The following GALNT11 variants were observed in gnomAD, a reference collection of about 807,000 sequenced individuals.
GALNT11 encodes polypeptide N-acetylgalactosaminyltransferase 11.
GALNT11 carries 47 observed loss-of-function variants against 72.7 expected under a neutral mutation model. The ratio of observed to expected loss-of-function variants is 0.65; its 90% CI spans 0.51 to 0.82. The LOEUF is 0.82. Ranked by LOEUF, GALNT11 falls within the 40% of genes least tolerant of loss-of-function variation. The pLI, the probability that GALNT11 is intolerant of heterozygous loss-of-function variation, is 0.00. For synonymous variants in GALNT11, 270 were observed against 286.6 expected (o/e 0.94, Z 0.58); for missense variants, 677 against 778.4 (o/e 0.87, Z 1.55).
chr7:152,048,371 A>G (rs2083243177), intron 1 of GALNT11, among the ~76,000 whole-genome samples: 1 of 151,870 alleles, frequency 6.6e-6, no homozygotes, highest in Non-Finnish European at 1.5e-5. Flanking sequence ...AAATACATTG[A>G]AGCAGTCTTA....
intron 1 of GALNT11, among the ~76,000 whole-genome samples, chr7:152,049,822 GGCACCCAA>G (rs1269078293): frequency 4.6e-5 from 7 of 152,114 alleles, no homozygotes; most frequent in African/African-American, 1.7e-4. Flanking sequence ...CGGCTGAGCT[GGCACCCAA>G]GCCTTCCCAG....
At chr7:152,078,453 G>A (rs1587206634) in intron 1 of GALNT11, among the ~76,000 whole-genome samples, 4 of 152,164 alleles carry the variant, frequency 2.6e-5, no homozygotes, top group East Asian at 1.9e-4. Context: ...CACCCGCCTC[G>A]GCCTCCCAAA....
At chr7:152,081,713 A>C (rs569186851) in intron 1 of GALNT11, among the ~76,000 whole-genome samples, 3 of 152,072 alleles carry the variant, frequency 2.0e-5, no homozygotes, top group Admixed American at 6.5e-5. Flanking sequence ...TCCTCTTCTT[A>C]TGGGTATCAG....
intron 1 of GALNT11, among the ~76,000 whole-genome samples, chr7:152,028,286 C>T (rs534510466): frequency 1.3e-5 from 2 of 152,146 alleles, no homozygotes; most frequent in African/African-American, 4.8e-5. Context: ...GTGCTGATTG[C>T]TCTGTTTTAC....
At chr7:152,026,551 G>C (rs1372903411) in intron 1 of GALNT11, among the ~76,000 whole-genome samples, 3 of 152,228 alleles carry the variant, frequency 2.0e-5, no homozygotes, top group Non-Finnish European at 4.4e-5. Context: ...CAGAACTCAA[G>C]TCATCCTTCT....
intron 1 of GALNT11, among the ~76,000 whole-genome samples, chr7:152,056,385 C>T (rs1203983191): frequency 3.9e-5 from 6 of 152,158 alleles, no homozygotes. Flanking sequence ...CTAAAGTTCC[C>T]GCGGGTTGCC....
chr7:152,105,351 T>C lies in GALNT11; in HGVS notation c.693T>C (p.Ile231=), dbSNP rs1347410126. The part of the protein sequence containing the change: ...KREGLIRGRM[I]GAAHATGEVL... Reference sequence around the variant, plus strand: ...AGGGGTTGATTCGAGGGAGAATGATTGGCGCGGCCCACGCGACAGGTATCA... The same window carrying C: ...AGGGGTTGATTCGAGGGAGAATGATCGGCGCGGCCCACGCGACAGGTATCA... Residue 231 remains isoleucine (I), a synonymous_variant, in exon 5 of 12, where the codon ATT becomes ATC. Coordinates refer to ENST00000430044, the MANE Select transcript of GALNT11 (RefSeq NM_022087.4). The C allele has an allele frequency of 1.5e-5, 24 of 1,613,500 alleles. No homozygotes were observed. Among genetic ancestry groups the C allele is most frequent in the Non-Finnish European group, 2.0e-5 (24 of 1,179,824 alleles).
chr7:152,105,193 G>T, intron 4 of GALNT11, 52 bp from the exon 5 acceptor site: 1 of 1,564,350 alleles, frequency 6.4e-7, no homozygotes, highest in Non-Finnish European at 8.6e-7. Flanking sequence ...GCTGTAAAGT[G>T]TCTTTATATA....
At chr7:152,072,074 T>A (rs1330476746) in intron 1 of GALNT11, among the ~76,000 whole-genome samples, 2 of 149,272 alleles carry the variant, frequency 1.3e-5, no homozygotes, top group Non-Finnish European at 1.5e-5. Flanking sequence ...AATCCCAGGA[T>A]TTTGGGAGGC....
At chr7:152,047,869 A>T (rs571406207) in intron 1 of GALNT11, among the ~76,000 whole-genome samples, 1 of 151,888 alleles carries the variant, frequency 6.6e-6, no homozygotes, top group East Asian at 1.9e-4. Flanking sequence ...ATGACCTGAA[A>T]ACTTGTTGTA....
At chr7:152,117,080 A>G (rs2088940031) in intron 8 of GALNT11, 77 bp from the exon 9 acceptor site, 7 of 1,296,312 alleles carry the variant, frequency 5.4e-6, no homozygotes, top group Non-Finnish European at 7.5e-6. Context: ...TTAATCGTGT[A>G]AAAAATCTCT....
intron 1 of GALNT11, among the ~76,000 whole-genome samples, chr7:152,041,900 T>G (rs868511043): frequency 1.3e-5 from 2 of 152,094 alleles, no homozygotes; most frequent in South Asian, 2.1e-4. Flanking sequence ...GAATAAGGAG[T>G]AGTAGTCTGA....
At chr7:152,042,868 A>G (rs58080084) in intron 1 of GALNT11, among the ~76,000 whole-genome samples, 1,760 of 152,184 alleles carry the variant, frequency 0.012, 36 homozygotes, top group African/African-American at 0.041. Flanking sequence ...GGGCTTTACC[A>G]CTCCAACTAT....
At position 152,116,959 on chromosome 7, in the gene GALNT11, C is replaced by G. The variant is rs758080477; in HGVS notation, c.1234-198C>G. 51 of 686,366 alleles carry G rather than the reference C, an allele frequency of 7.4e-5. No individual in the cohort carries two copies. The African/African-American group carries it at 7.5e-4, about 10-fold the overall frequency. 42.5% of individuals were successfully genotyped at this position (686,366 alleles called of 1,614,324 possible). On this transcript the variant is annotated intron_variant, in intron 8 of 11. Coordinates refer to ENST00000430044, the MANE Select transcript of GALNT11 (RefSeq NM_022087.4). ...AGTTTTCCGTAATTTTTAAGAACAT[C>G]GATGACTGAGACTCACGAGTTTGAG...
intron 2 of GALNT11, among the ~76,000 whole-genome samples, chr7:152,099,049 C>T (rs1355946379): frequency 6.6e-6 from 1 of 152,168 alleles, no homozygotes; most frequent in African/African-American, 2.4e-5. Context: ...TCAAGTGATT[C>T]TCCTGCCTCA....
At position 152,103,222 on chromosome 7, in the gene GALNT11, G is replaced by T; in HGVS notation, c.530G>T (p.Arg177Leu). The change falls in exon 4 of 12, where the codon CGC (arginine) becomes CTC (leucine). Residue 177 changes from arginine (R) to leucine (L), a missense_variant. Arg to Leu is a moderately radical substitution (Grantham distance 102). Transcript: ENST00000430044. ...CGGACAGTGCACAGTGTCATAGACCGCACGCCAGCACACCTGCTTCATGAG... is the reference window on the plus strand; with the variant it reads ...CGGACAGTGCACAGTGTCATAGACCTCACGCCAGCACACCTGCTTCATGAG... ...LLRTVHSVID[R>L]TPAHLLHEII... 2 of 1,613,462 alleles carry T rather than the reference G, an allele frequency of 1.2e-6. No individual in the cohort carries two copies. Among genetic ancestry groups the T allele is most frequent in the Admixed American group, 1.7e-5 (1 of 60,008 alleles).
intron 1 of GALNT11, among the ~76,000 whole-genome samples, chr7:152,068,721 G>T (rs1483658146): frequency 1.3e-5 from 2 of 151,796 alleles, no homozygotes; most frequent in Admixed American, 6.6e-5. Flanking sequence ...CACTTTTTTT[G>T]ATCTTTTTAA....
At chr7:152,109,255 TTTGAAGAACATG>T (rs1426901951) in intron 6 of GALNT11, among the ~76,000 whole-genome samples, 1 of 152,236 alleles carries the variant, frequency 6.6e-6, no homozygotes, top group African/African-American at 2.4e-5. Context: ...TCACCATTGT[TTTGAAGAACATG>T]TTTACTCAGT....
intron 1 of GALNT11, among the ~76,000 whole-genome samples, chr7:152,044,722 A>G (rs2083034502): frequency 6.6e-6 from 1 of 152,120 alleles, no homozygotes; most frequent in Non-Finnish European, 1.5e-5. Context: ...ATAAGATCAT[A>G]TCATCTGCAA....
Sources: gnomAD v4.1 joint callset for allele counts (sites outside exome capture counted in the v4.1 genomes callset) on GRCh38, gnomAD v4.1.1 for gene constraint, MANE v1.5 for transcripts, NCBI Gene and HGNC (gene_info 2026-07-23, HGNC 2026-07-21) for gene names.